SLC16A10: variants seen among roughly 807,000 people sequenced by gnomAD.
The protein encoded by SLC16A10 is monocarboxylate transporter 10.
In SLC16A10, 27 loss-of-function variants were observed where a neutral mutation model predicts 40.0. That is an observed-to-expected ratio of 0.67 (90% CI 0.50 to 0.93). The LOEUF (loss-of-function observed/expected upper bound fraction) is 0.93. Ranked by LOEUF, SLC16A10 falls within the 40% of genes least tolerant of loss-of-function variation. The pLI, the probability that SLC16A10 is intolerant of heterozygous loss-of-function variation, is 0.00. For synonymous variants in SLC16A10, 213 were observed against 249.8 expected (o/e 0.85, Z 1.39); for missense variants, 529 against 658.2 (o/e 0.80, Z 2.15).
intron 1 of SLC16A10, among the ~76,000 whole-genome samples, chr6:111,166,412 T>A (rs1253601678): frequency 7.9e-6 from 1 of 126,368 alleles, no homozygotes; most frequent in Non-Finnish European, 1.9e-5. Context: ...TTATCTGTAG[T>A]AGGGTTTGCA....
chr6:111,200,302 G>A (rs1337290795), intron 3 of SLC16A10, among the ~76,000 whole-genome samples: 1 of 152,192 alleles, frequency 6.6e-6, no homozygotes, highest in Non-Finnish European at 1.5e-5. Flanking sequence ...TTAGTCTAAA[G>A]GCACAGTTGA....
At chr6:111,153,138 G>A (rs1343404215) in intron 1 of SLC16A10, among the ~76,000 whole-genome samples, 2 of 152,168 alleles carry the variant, frequency 1.3e-5, no homozygotes, top group African/African-American at 4.8e-5. Flanking sequence ...CCATAGAAGG[G>A]CATTTTAAAT....
chr6:111,175,674 C>G (rs955348518), intron 2 of SLC16A10, among the ~76,000 whole-genome samples: 1 of 150,836 alleles, frequency 6.6e-6, no homozygotes, highest in Non-Finnish European at 1.5e-5. Flanking sequence ...TTTCTTTAAG[C>G]AGACTATGAA....
intron 3 of SLC16A10, among the ~76,000 whole-genome samples, chr6:111,195,038 C>T (rs1221043761): frequency 2.0e-5 from 3 of 152,104 alleles, no homozygotes; most frequent in African/African-American, 4.8e-5. Flanking sequence ...GTGTCATACT[C>T]GGTGCCTCCT....
intron 1 of SLC16A10, among the ~76,000 whole-genome samples, chr6:111,132,921 A>G (rs1352342407): frequency 1.2e-4 from 18 of 152,218 alleles, no homozygotes; most frequent in Admixed American, 1.2e-3. Context: ...AGCTATTTGC[A>G]CTCAGCCAAG....
At chr6:111,129,119 A>G (rs1771736989) in intron 1 of SLC16A10, among the ~76,000 whole-genome samples, 1 of 152,240 alleles carries the variant, frequency 6.6e-6, no homozygotes, top group Non-Finnish European at 1.5e-5. Flanking sequence ...AGACTGAAAC[A>G]TGAAAAGGTT....
intron 1 of SLC16A10, among the ~76,000 whole-genome samples, chr6:111,166,345 TCA>T (rs1772473020): frequency 6.6e-6 from 1 of 150,958 alleles, no homozygotes; most frequent in African/African-American, 2.4e-5. Flanking sequence ...ACTAAACTTT[TCA>T]CAGATATTTT....
At chr6:111,177,720 C>G in intron 3 of SLC16A10, 55 bp downstream of exon 3, 5 of 1,432,340 alleles carry the variant, frequency 3.5e-6, no homozygotes, top group Non-Finnish European at 4.6e-6. Flanking sequence ...AGAAAAACTT[C>G]TTTGAAGAGA....
chr6:111,108,208 TG>T (rs1771319176), intron 1 of SLC16A10, among the ~76,000 whole-genome samples: 4 of 152,108 alleles, frequency 2.6e-5, no homozygotes, highest in Admixed American at 2.6e-4. Context: ...TTAGTAGAGA[TG>T]GGGTTTCACC....
rs534750749 is a variant in SLC16A10 at position 111,157,756 on chromosome 6, G to C, written c.344-14939G>C. 4.1e-4 allele frequency among the ~76,000 whole-genome samples: 62 copies of C among 152,108 alleles called. 1 individual carries two copies. Among genetic ancestry groups the C allele is most frequent in the Admixed American group, 2.6e-4 (4 of 15,276 alleles). Reference sequence around the variant, plus strand: ...CAAAGTATAAAATAAATATCTATGAGTCCATAATGATATAAACAAGTGATT... The same window carrying C: ...CAAAGTATAAAATAAATATCTATGACTCCATAATGATATAAACAAGTGATT... On this transcript the variant is annotated intron_variant, in intron 1 of 5. Coordinates refer to ENST00000368851, the MANE Select transcript of SLC16A10 (RefSeq NM_018593.5).
intron 1 of SLC16A10, among the ~76,000 whole-genome samples, chr6:111,104,959 A>T (rs1446018420): frequency 6.6e-6 from 1 of 151,658 alleles, no homozygotes; most frequent in Non-Finnish European, 1.5e-5. Flanking sequence ...GATTTCTCTA[A>T]TTCAGATTTG....
chr6:111,131,992 C>G (rs1324149189), intron 1 of SLC16A10, among the ~76,000 whole-genome samples: 1 of 152,206 alleles, frequency 6.6e-6, no homozygotes, highest in East Asian at 1.9e-4. Flanking sequence ...TTCATTTCCT[C>G]TAGCAAGCTG....
rs892136000 is a variant in SLC16A10 at position 111,103,095 on chromosome 6, G to A, written c.343+15000G>A. Among the ~76,000 whole-genome samples the A allele has an allele frequency of 3.9e-5, 6 of 152,044 alleles. No individual in the cohort carries two copies. The East Asian group carries it at 5.8e-4, about 15-fold the overall frequency. ...TAATTTTCATATTTTTTGTAGAGAC[G>A]GGGTTTCGCCACATTGCCCAGGCTG... On this transcript the variant is annotated intron_variant, in intron 1 of 5. Coordinates refer to ENST00000368851, the MANE Select transcript of SLC16A10 (RefSeq NM_018593.5).
intron 1 of SLC16A10, among the ~76,000 whole-genome samples, chr6:111,161,403 G>C (rs1048730558): frequency 6.6e-6 from 1 of 151,912 alleles, no homozygotes; most frequent in Non-Finnish European, 1.5e-5. Context: ...GGTTTCACCA[G>C]GGACCCGTTC....
At chr6:111,202,819 G>A (rs1004252239) in intron 3 of SLC16A10, among the ~76,000 whole-genome samples, 9 of 145,666 alleles carry the variant, frequency 6.2e-5, no homozygotes, top group Middle Eastern at 3.8e-3. Flanking sequence ...TCCGGGAGGC[G>A]GAGGTTGCAG....
intron 1 of SLC16A10, among the ~76,000 whole-genome samples, chr6:111,151,030 TC>T (rs1261220873): frequency 6.6e-6 from 1 of 152,164 alleles, no homozygotes. Flanking sequence ...TTAGGACACT[TC>T]CATCCATCAG....
intron 3 of SLC16A10, among the ~76,000 whole-genome samples, chr6:111,205,386 G>C (rs895445553): frequency 6.6e-6 from 1 of 152,100 alleles, no homozygotes; most frequent in Admixed American, 6.5e-5. Context: ...GTGATTGTCA[G>C]GCATTATGGA....
chr6:111,115,866 C>T (rs1240150514), intron 1 of SLC16A10, among the ~76,000 whole-genome samples: 1 of 151,982 alleles, frequency 6.6e-6, no homozygotes, highest in Non-Finnish European at 1.5e-5. Flanking sequence ...GATGAAAGGG[C>T]TGTAGTAGTG....
At chr6:111,170,118 A>G (rs1772557753) in intron 1 of SLC16A10, among the ~76,000 whole-genome samples, 2 of 151,896 alleles carry the variant, frequency 1.3e-5, no homozygotes, top group South Asian at 4.2e-4. Context: ...AGGTGTCTCC[A>G]TGTTGGCCAG....
Sources: allele counts gnomAD v4.1 joint callset (sites outside exome capture counted in the v4.1 genomes callset), GRCh38; gene constraint gnomAD v4.1.1; transcripts MANE v1.5; gene names NCBI Gene and HGNC (gene_info 2026-07-23, HGNC 2026-07-21).